Variants in AKT3 observed in about 807,000 individuals in gnomAD.
AKT3 encodes RAC-gamma serine/threonine-protein kinase.
Under a neutral mutation model 65.3 loss-of-function variants are expected in AKT3, and 15 were observed. The observed-to-expected ratio is 0.23, with a 90% CI of 0.15 to 0.35. The LOEUF (loss-of-function observed/expected upper bound fraction) is 0.35, where lower values mean the gene tolerates loss of function less well. AKT3 is among the 10% of genes least tolerant of loss of function. The pLI, the probability that AKT3 is intolerant of heterozygous loss-of-function variation, is 1.00. For missense variants in AKT3, 243 were observed against 576.5 expected (o/e 0.42, Z 5.92); for synonymous variants, 206 against 183.8 (o/e 1.12, Z -0.98).
At chr1:243,582,873 T>C (rs1212676168) in intron 8 of AKT3, among the ~76,000 whole-genome samples, 1 of 151,892 alleles carries the variant, frequency 6.6e-6, no homozygotes, top group Non-Finnish European at 1.5e-5. Context: ...ACCCATCTTA[T>C]ATATAATGAC....
chr1:243,808,045 CA>C (rs1395419927), intron 2 of AKT3: 1 of 152,138 alleles, frequency 6.6e-6, no homozygotes, highest in Non-Finnish European at 1.5e-5. Flanking sequence ...TCACCATCAT[CA>C]AAGACCAAAG....
At chr1:243,692,524 C>T (rs1159194797) in intron 3 of AKT3, among the ~76,000 whole-genome samples, 1 of 150,784 alleles carries the variant, frequency 6.6e-6, no homozygotes, top group Non-Finnish European at 1.5e-5. Flanking sequence ...CCTGAGGTCA[C>T]GAGTTTGAGA....
intron 13 of AKT3, among the ~76,000 whole-genome samples, chr1:243,494,538 G>T (rs1371426972): frequency 6.6e-6 from 1 of 152,146 alleles, no homozygotes; most frequent in Non-Finnish European, 1.5e-5. Flanking sequence ...ACCTCCAACA[G>T]CAGACAGTTA....
At chr1:243,517,482 TG>T (rs1324841022) in intron 12 of AKT3, among the ~76,000 whole-genome samples, 1 of 152,264 alleles carries the variant, frequency 6.6e-6, no homozygotes, top group African/African-American at 2.4e-5. Flanking sequence ...TATTTTGTTT[TG>T]TTATTAGATG....
chr1:243,612,779 G>C (rs1315290624), intron 8 of AKT3: 6 of 151,888 alleles, frequency 4.0e-5, no homozygotes, highest in Admixed American at 3.9e-4. Context: ...GGTGGCTCAC[G>C]CCTGTAATCC....
intron 4 of AKT3, among the ~76,000 whole-genome samples, chr1:243,649,331 G>A (rs1026853217): frequency 3.3e-5 from 5 of 150,270 alleles, no homozygotes; most frequent in Non-Finnish European, 5.9e-5. Flanking sequence ...GTGTGTGTGT[G>A]TGTGTGTGTG....
chr1:243,557,102 G>A (rs1673461104), intron 10 of AKT3, among the ~76,000 whole-genome samples: 1 of 151,994 alleles, frequency 6.6e-6, no homozygotes, highest in African/African-American at 2.4e-5. Context: ...GGCTAGCACA[G>A]GAAAAATCCT....
rs139958221 is a variant in AKT3, at chr1:243,782,498, T to G, written c.46+60627A>C. On this transcript the variant is annotated intron_variant, in intron 2 of 13. Coordinates refer to ENST00000673466, the MANE Select transcript of AKT3 (RefSeq NM_005465.7). ...ACTGGGGTACCTTCTTGCCCCCATT[T>G]ATGCAGGCAGAGCCCTCATGACCTA... 1.5e-3 allele frequency among the ~76,000 whole-genome samples: 227 copies of G among 152,264 alleles called. 1 individual carries two copies. Among genetic ancestry groups the G allele is most frequent in the African/African-American group, 5.3e-3 (219 of 41,554 alleles).
intron 5 of AKT3, among the ~76,000 whole-genome samples, chr1:243,640,473 C>T (rs1177190858): frequency 6.6e-6 from 1 of 152,208 alleles, no homozygotes; most frequent in Non-Finnish European, 1.5e-5. Flanking sequence ...ATGCCAGTAA[C>T]AGACAAAGCC....
At chr1:243,697,176 A>T (rs989752161) in intron 2 of AKT3, among the ~76,000 whole-genome samples, 6 of 152,040 alleles carry the variant, frequency 3.9e-5, no homozygotes, top group African/African-American at 1.4e-4. Flanking sequence ...AATTTATTAC[A>T]TATAACAAAT....
At chr1:243,552,707 C>T (rs1227562607) in intron 11 of AKT3, 22 bp downstream of exon 11, 3 of 1,594,130 alleles carry the variant, frequency 1.9e-6, no homozygotes, top group Non-Finnish European at 2.6e-6. Flanking sequence ...CAGTAATTCA[C>T]TAAGCGTTAT....
chr1:243,658,942 G>C (rs551147215), intron 4 of AKT3, among the ~76,000 whole-genome samples: 1 of 151,920 alleles, frequency 6.6e-6, no homozygotes, highest in African/African-American at 2.4e-5. Flanking sequence ...TAAGCTGGGA[G>C]GATCCCTTGG....
chr1:243,499,757 T>TA lies in AKT3; in HGVS notation c.*5491dup, dbSNP rs1370873441. The TA allele has an allele frequency of 1.2e-6, 2 of 1,611,400 alleles. No individual in the cohort carries two copies. The highest frequency in any genetic ancestry group is 2.7e-5 in the African/African-American group (2 of 75,002). ...CTTACTTTTTATTATTTTTTCCAGT[T>TA]ACCCAGCATGCCACAATCTGATTGC... On this transcript the variant is annotated 3_prime_UTR_variant, in exon 14 of 14. Transcript: ENST00000673466.
intron 6 of AKT3, among the ~76,000 whole-genome samples, chr1:243,634,012 C>T (rs1000899919): frequency 1.8e-4 from 28 of 151,980 alleles, no homozygotes; most frequent in African/African-American, 6.5e-4. Context: ...ATGGATAGTA[C>T]CAAACTCTAT....
intron 2 of AKT3, among the ~76,000 whole-genome samples, chr1:243,762,950 C>T (rs1689583728): frequency 6.6e-6 from 1 of 151,908 alleles, no homozygotes; most frequent in South Asian, 2.1e-4. Flanking sequence ...TATAATTACT[C>T]AACTATGAAA....
At chr1:243,759,124 G>C (rs946001133) in intron 2 of AKT3, among the ~76,000 whole-genome samples, 1 of 152,076 alleles carries the variant, frequency 6.6e-6, no homozygotes, top group Non-Finnish European at 1.5e-5. Context: ...GACCAGCCTG[G>C]GCAAAATGCC....
At chr1:243,713,079 C>A (rs1030114307) in intron 2 of AKT3, among the ~76,000 whole-genome samples, 11 of 152,172 alleles carry the variant, frequency 7.2e-5, no homozygotes, top group Non-Finnish European at 1.6e-4. Context: ...TACCTCACCC[C>A]TAGTGGTAGG....
intron 8 of AKT3, among the ~76,000 whole-genome samples, 200 bp downstream of exon 8, chr1:243,613,444 AAAGAAGAATATGATTATGCTTTCCAAC>A (rs1678051480): frequency 6.6e-6 from 1 of 152,140 alleles, no homozygotes; most frequent in Admixed American, 6.5e-5. Context: ...AACACAGGAA[AAAGAAGAATATGATTATGCTTTCCAAC>A]ATATAAATGT....
At chr1:243,671,677 G>A (rs1029299343) in intron 3 of AKT3, among the ~76,000 whole-genome samples, 2 of 152,304 alleles carry the variant, frequency 1.3e-5, no homozygotes, top group African/African-American at 4.8e-5. Context: ...GATAACTGTT[G>A]AGTGATCACT....
Sources: gnomAD v4.1 joint callset for allele counts (sites outside exome capture counted in the v4.1 genomes callset) on GRCh38, gnomAD v4.1.1 for gene constraint, MANE v1.5 for transcripts, NCBI Gene and HGNC (gene_info 2026-07-23, HGNC 2026-07-21) for gene names.